Variants in C11orf71 observed in about 807,000 individuals in gnomAD.
The protein encoded by C11orf71 is uncharacterized protein C11orf71.
For missense variants in C11orf71, 179 were observed against 167.6 expected (o/e 1.07, Z -0.38); for synonymous variants, 72 against 73.4 (o/e 0.98, Z 0.09).
rs900064352 is a variant in C11orf71, at chr11:114,400,506, G to C, written c.-175C>G. On this transcript the variant is annotated 5_prime_UTR_variant, in exon 1 of 1. Coordinates refer to ENST00000623205, the MANE Select transcript of C11orf71 (RefSeq NM_001271562.2). Reference sequence around the variant, plus strand: ...TGCCTTTAACGAGGGGTATCCTGGCGAGCATGCGCAGACCGTCCGCGCACG... The same window carrying C: ...TGCCTTTAACGAGGGGTATCCTGGCCAGCATGCGCAGACCGTCCGCGCACG... 2.5e-5 allele frequency: 32 copies of C among 1,280,888 alleles called. No individual in the cohort carries two copies. The highest frequency in any genetic ancestry group is 3.0e-5 in the Non-Finnish European group (28 of 939,514). The allele number at this position is 1,280,888 out of a possible 1,614,324, so 79.3% of individuals were successfully genotyped here.
chr11:114,394,230 TTCTTTTCTTTTCTTTTC>T (rs1946103199), downstream of C11orf71, among the ~76,000 whole-genome samples: 1 of 43,088 alleles, frequency 2.3e-5, no homozygotes, highest in East Asian at 8.2e-4. Flanking sequence ...TTTCTTTTCT[TTCTTTTCTTTTCTTTTC>T]TTTTCTTTTC....
In C11orf71 at chr11:114,400,263, A is replaced by ACC. The variant is rs2135345704; in HGVS notation, c.68_69insGG (p.His23GlnfsTer30). 1 of 1,611,298 alleles carries ACC rather than the reference A, an allele frequency of 6.2e-7. No homozygotes were observed. Among genetic ancestry groups the ACC allele is most frequent in the East Asian group, 2.2e-5 (1 of 44,772 alleles). On this transcript the variant is annotated frameshift_variant, in exon 1 of 1. Coordinates refer to ENST00000623205, the MANE Select transcript of C11orf71 (RefSeq NM_001271562.2). LOFTEE classifies it low-confidence loss of function (END_TRUNC). ...CTGACGCCCGCGGTCTGAGGTCGCC[A>ACC]TGGGAAGAGCGGTAGGCCACCCTGC...
chr11:114,397,150 GC>G (rs1333619847), downstream of C11orf71, among the ~76,000 whole-genome samples: 11 of 152,216 alleles, frequency 7.2e-5, no homozygotes, highest in Middle Eastern at 6.8e-3. Flanking sequence ...AGAAGTAGAG[GC>G]AGTAAAAACA....
At chr11:114,394,218 C>CTT (rs1224127229), downstream of C11orf71, among the ~76,000 whole-genome samples, 2 of 55,466 alleles carry the variant, frequency 3.6e-5, no homozygotes, top group Admixed American at 2.2e-4. Flanking sequence ...CTTTTCTTTT[C>CTT]TTTTCTTTTC....
At chr11:114,397,199 A>C (rs765781722), downstream of C11orf71, among the ~76,000 whole-genome samples, 3 of 152,240 alleles carry the variant, frequency 2.0e-5, no homozygotes, top group Non-Finnish European at 4.4e-5. Context: ...AACTTACAGA[A>C]GTATAATTGT....
chr11:114,395,166 C>T (rs1946121568), downstream of C11orf71, among the ~76,000 whole-genome samples: 1 of 152,098 alleles, frequency 6.6e-6, no homozygotes, highest in Admixed American at 6.5e-5. Context: ...TAGATTACAC[C>T]TCTATCCCTG....
chr11:114,392,354 A>G (rs1946079226), intron 1 of C11orf71, among the ~76,000 whole-genome samples: 1 of 151,990 alleles, frequency 6.6e-6, no homozygotes, highest in South Asian at 2.1e-4. Flanking sequence ...TCTGGCCAAC[A>G]TGGTGAAATC....
intron 1 of C11orf71, chr11:114,391,723 G>C: frequency 1.5e-6 from 1 of 659,688 alleles, no homozygotes; most frequent in South Asian, 2.7e-5. Flanking sequence ...AACCAAAAAT[G>C]CATGTCCCAG....
downstream of C11orf71, among the ~76,000 whole-genome samples, chr11:114,396,293 T>G (rs1010730017): frequency 6.6e-6 from 1 of 152,258 alleles, no homozygotes; most frequent in African/African-American, 2.4e-5. Context: ...GGTGTCTTTT[T>G]CTGAACCTTT....
chr11:114,400,280 C>T lies in C11orf71; in HGVS notation c.52G>A (p.Ala18Thr). 3 of 1,610,254 alleles carry T rather than the reference C, an allele frequency of 1.9e-6. No homozygotes were observed. Among genetic ancestry groups the T allele is most frequent in the Non-Finnish European group, 2.5e-6 (3 of 1,178,332 alleles). The change falls in exon 1 of 1, where the codon GCC becomes ACC. Residue 18 changes from alanine (A) to threonine (T), a missense_variant. Transcript: ENST00000623205. ...AGGTCGCCATGGGAAGAGCGGTAGG[C>T]CACCCTGCTCCTCTGATCACCGGAG... ...LSSGDQRSRV[A>T]YRSSHGDLRP...
chr11:114,394,248 T>TC (rs1946105439), downstream of C11orf71, among the ~76,000 whole-genome samples: 1 of 62,128 alleles, frequency 1.6e-5, no homozygotes, highest in African/African-American at 1.1e-4. Context: ...TTTTCTTTTC[T>TC]TTTCTTTTCT....
downstream of C11orf71, among the ~76,000 whole-genome samples, chr11:114,397,037 T>A (rs984592548): frequency 6.6e-6 from 1 of 152,208 alleles, no homozygotes; most frequent in Non-Finnish European, 1.5e-5. Flanking sequence ...TCAGAGTTCT[T>A]AAAACTGCTT....
downstream of C11orf71, among the ~76,000 whole-genome samples, chr11:114,397,318 A>G (rs752482706): frequency 7.2e-5 from 11 of 152,338 alleles, no homozygotes; most frequent in Admixed American, 2.0e-4. Context: ...ATGTTTAATA[A>G]TATGGTCTGC....
downstream of C11orf71, among the ~76,000 whole-genome samples, chr11:114,395,986 C>T (rs1946128431): frequency 6.6e-6 from 1 of 152,188 alleles, no homozygotes; most frequent in Non-Finnish European, 1.5e-5. Flanking sequence ...ATTCCTCCAA[C>T]TCCTGGGCTC....
chr11:114,394,224 TTTTC>T (rs143226739), downstream of C11orf71, among the ~76,000 whole-genome samples: 15,324 of 71,122 alleles, frequency 0.22, 1,652 homozygotes, highest in African/African-American at 0.34. Flanking sequence ...TTTTCTTTTC[TTTTC>T]TTTCTTTTCT....
rs2135346157 is a variant in C11orf71, at chr11:114,400,440, G to A, written c.-109C>T. ...GTCGGACCCGATGACTAAGCACACA[G>A]GAACCCATAACTGAGCCTGCGGAAG... On this transcript the variant is annotated 5_prime_UTR_variant, in exon 1 of 1. Coordinates refer to ENST00000623205, the MANE Select transcript of C11orf71 (RefSeq NM_001271562.2). 5 of 1,406,872 alleles carry A rather than the reference G, an allele frequency of 3.6e-6. No homozygotes were observed. Among genetic ancestry groups the A allele is most frequent in the South Asian group, 2.9e-5 (2 of 67,918 alleles). 87.1% of individuals were successfully genotyped at this position (1,406,872 alleles called of 1,614,324 possible).
rs577349145 is a variant in C11orf71 at position 114,399,449 on chromosome 11, G to T, written c.*511C>A. 8.9e-4 allele frequency: 136 copies of T among 152,570 alleles called. No homozygotes were observed. Among genetic ancestry groups the T allele is most frequent in the South Asian group, 1.2e-3 (6 of 4,826 alleles). The allele number at this position is 152,570 out of a possible 1,614,324, so 9.5% of individuals were successfully genotyped here. On this transcript the variant is annotated 3_prime_UTR_variant, in exon 1 of 1. Transcript: ENST00000623205. Reference sequence around the variant, plus strand: ...TTGCCAAAGAAAGGAATAATAAATTGATTTAATAATTTGAAAGAACTGTAA... The same window carrying T: ...TTGCCAAAGAAAGGAATAATAAATTTATTTAATAATTTGAAAGAACTGTAA...
rs1185890648 is a variant in C11orf71, at chr11:114,399,028, A to C, written c.*932T>G. 6.6e-6 allele frequency: 1 copy of C among 150,604 alleles called. No homozygotes were observed. Among genetic ancestry groups the C allele is most frequent in the Non-Finnish European group, 1.5e-5 (1 of 67,854 alleles). The allele number at this position is 150,604 out of a possible 1,614,324, so 9.3% of individuals were successfully genotyped here. A position where few individuals can be genotyped will look rare whatever the true frequency, so the allele number is the denominator to read the frequency against. On this transcript the variant is annotated 3_prime_UTR_variant, in exon 1 of 1. Coordinates refer to ENST00000623205, the MANE Select transcript of C11orf71 (RefSeq NM_001271562.2). ...GAGTGATCAGCCAGGTAAGAGAAGA[A>C]CCAGGATAGTGCAGTATTATGATGA...
downstream of C11orf71, among the ~76,000 whole-genome samples, chr11:114,396,843 C>A (rs1211407692): frequency 6.6e-6 from 1 of 152,224 alleles, no homozygotes; most frequent in African/African-American, 2.4e-5. Flanking sequence ...GAACCTTACT[C>A]TTTCCTCCTA....
Sources: allele counts gnomAD v4.1 joint callset (sites outside exome capture counted in the v4.1 genomes callset), GRCh38; gene constraint gnomAD v4.1.1; transcripts MANE v1.5; gene names NCBI Gene and HGNC (gene_info 2026-07-23, HGNC 2026-07-21).